The following SF3B1 variants were observed in gnomAD, a reference collection of about 807,000 sequenced individuals.
SF3B1 encodes the protein splicing factor 3b subunit 1.
SF3B1 carries 12 observed loss-of-function variants against 153.8 expected under a neutral mutation model. The observed-to-expected ratio is 0.08, with a 90% CI of 0.05 to 0.13. SF3B1 has a LOEUF of 0.13. SF3B1 is among the 10% of genes least tolerant of loss of function. SF3B1 has a pLI of 1.00. For synonymous variants in SF3B1, 498 were observed against 525.2 expected (o/e 0.95, Z 0.71); for missense variants, 513 against 1,606.1 (o/e 0.32, Z 11.63).
intron 9 of SF3B1, among the ~76,000 whole-genome samples, chr2:197,407,346 T>C (rs2085006748): frequency 6.6e-6 from 1 of 152,158 alleles, no homozygotes; most frequent in African/African-American, 2.4e-5. Flanking sequence ...AACTCACGCC[T>C]GTAATCCCAG....
chr2:197,431,174 G>T (rs916159868), intron 1 of SF3B1, among the ~76,000 whole-genome samples: 4 of 141,054 alleles, frequency 2.8e-5, no homozygotes, highest in Non-Finnish European at 4.5e-5. Context: ...GTGCAGTGGC[G>T]TGGCGTGATC....
intron 1 of SF3B1, among the ~76,000 whole-genome samples, chr2:197,432,910 G>A (rs1326979555): frequency 6.6e-6 from 1 of 152,092 alleles, no homozygotes; most frequent in African/African-American, 2.4e-5. Context: ...AAAGGAATAT[G>A]ACAGCAAAAT....
intron 5 of SF3B1, 116 bp downstream of exon 5, chr2:197,418,393 T>C: frequency 1.5e-6 from 1 of 670,388 alleles, no homozygotes; most frequent in South Asian, 2.8e-5. Flanking sequence ...TCAGTTAATT[T>C]TTATTAATAC....
At chr2:197,422,804 G>A (rs1383226985) in intron 2 of SF3B1, among the ~76,000 whole-genome samples, 1 of 151,392 alleles carries the variant, frequency 6.6e-6, no homozygotes, top group African/African-American at 2.4e-5. Context: ...GCAGGAGAAT[G>A]CTATGAACCC....
At chr2:197,410,112 C>G in intron 6 of SF3B1, 105 bp from the exon 7 acceptor site, 1 of 695,596 alleles carries the variant, frequency 1.4e-6, no homozygotes, top group East Asian at 2.7e-5. Flanking sequence ...GTTCTATGCA[C>G]TATAATTAAT....
At position 197,400,285 on chromosome 2, in the gene SF3B1, A is replaced by G; in HGVS notation, c.2868T>C (p.Ser956=). 1 of 1,614,130 alleles carries G rather than the reference A, an allele frequency of 6.2e-7. No individual in the cohort carries two copies. The highest frequency in any genetic ancestry group is 8.5e-7 in the Non-Finnish European group (1 of 1,179,972). ...AAGTCTTCATGACAACAGCAGTTCG[A>G]GAAATCAAGTCAGCTGCCTGTTGCC... The part of the protein sequence containing the change: ...KVRQQAADLI[S]RTAVVMKTCQ... The change falls in exon 19 of 25, where the codon TCT becomes TCC. Residue 956 remains serine (S), a synonymous_variant. Transcript: ENST00000335508. The surrounding 1 kb of genome is among the most constrained non-coding windows in gnomAD (Gnocchi z 5.0).
intron 12 of SF3B1, 95 bp downstream of exon 12, chr2:197,403,490 A>G: frequency 1.3e-6 from 1 of 765,942 alleles, no homozygotes; most frequent in Non-Finnish European, 2.0e-6. Context: ...TACTTGTGCA[A>G]AGGAAAAGGT....
At chr2:197,415,554 G>A (rs1378462008) in intron 6 of SF3B1, among the ~76,000 whole-genome samples, 1 of 151,906 alleles carries the variant, frequency 6.6e-6, no homozygotes, top group South Asian at 2.1e-4. Context: ...GCACCCAGCC[G>A]CTTTATTTTT....
At position 197,401,255 on chromosome 2, in the gene SF3B1, G is replaced by A. The variant is rs1247158525; in HGVS notation, c.2496+145C>T. On this transcript the variant is annotated intron_variant, in intron 17 of 24. Transcript: ENST00000335508. This position sits in a 1 kb window ranked among gnomAD's most constrained non-coding sequence, Gnocchi z 4.2. ...AAATCAAAATGGAAGTTAACTGGCT[G>A]ACTAAAATCCATCTCCTTTCATAAT... is the stretch of plus-strand genomic sequence containing the variant. 2 of 772,688 alleles carry A rather than the reference G, an allele frequency of 2.6e-6. No individual in the cohort carries two copies. The highest frequency in any genetic ancestry group is 4.2e-6 in the Non-Finnish European group (2 of 474,908). 47.9% of individuals were successfully genotyped at this position (772,688 alleles called of 1,614,324 possible).
At position 197,390,583 on chromosome 2, in the gene SF3B1, T is replaced by TTAA. The variant is rs1559261077; in HGVS notation, c.*1719_*1720insTTA. On this transcript the variant is annotated 3_prime_UTR_variant, in exon 25 of 25. Coordinates refer to ENST00000335508, the MANE Select transcript of SF3B1 (RefSeq NM_012433.4). Reference sequence around the variant, plus strand: ...ACAAATCCAACTTGGAAACCCTTAATGCTCACTATCAATTTGTTGAAAGTC... The same window carrying TTAA: ...ACAAATCCAACTTGGAAACCCTTAATTAAGCTCACTATCAATTTGTTGAAAGTC... 6.6e-6 allele frequency: 1 copy of TTAA among 151,752 alleles called. No individual in the cohort carries two copies. Among genetic ancestry groups the TTAA allele is most frequent in the Non-Finnish European group, 1.5e-5 (1 of 68,012 alleles). 9.4% of individuals were successfully genotyped at this position (151,752 alleles called of 1,614,324 possible). A position where few individuals can be genotyped will look rare whatever the true frequency, so the allele number is the denominator to read the frequency against.
At chr2:197,431,204 G>A (rs551880587) in intron 1 of SF3B1, among the ~76,000 whole-genome samples, 3 of 136,852 alleles carry the variant, frequency 2.2e-5, no homozygotes, top group African/African-American at 8.2e-5. Flanking sequence ...TGCAACCTTC[G>A]CCTCCTGGGT....
chr2:197,393,846 T>C (rs2084843125), intron 23 of SF3B1, among the ~76,000 whole-genome samples: 1 of 152,180 alleles, frequency 6.6e-6, no homozygotes, highest in African/African-American at 2.4e-5. Flanking sequence ...TTCTAACATA[T>C]GAATAATAAA....
rs1263988797 is a variant in SF3B1 at position 197,391,483 on chromosome 2, G to A, written c.*820C>T. On this transcript the variant is annotated 3_prime_UTR_variant, in exon 25 of 25. Transcript: ENST00000335508. ...GCTGAGTAGTGGCTTATAACATGGA[G>A]AAAAGCCCAACATTGTCCTGTTCTA... The A allele has an allele frequency of 1.3e-5, 2 of 152,200 alleles. No homozygotes were observed. Among genetic ancestry groups the A allele is most frequent in the Non-Finnish European group, 2.9e-5 (2 of 68,038 alleles). 9.4% of individuals were successfully genotyped at this position (152,200 alleles called of 1,614,324 possible).
At chr2:197,408,918 A>G (rs1476589325) in intron 7 of SF3B1, among the ~76,000 whole-genome samples, 1 of 152,128 alleles carries the variant, frequency 6.6e-6, no homozygotes, top group Non-Finnish European at 1.5e-5. Context: ...GCAAGACTCC[A>G]TCTCAACAAC....
intron 12 of SF3B1, among the ~76,000 whole-genome samples, 179 bp downstream of exon 12, chr2:197,403,406 C>A (rs1366658447): frequency 6.6e-6 from 1 of 152,102 alleles, no homozygotes; most frequent in Non-Finnish European, 1.5e-5. Flanking sequence ...ATAATATGAA[C>A]CTCTTACGGC....
rs1457247178 is a variant in SF3B1 at position 197,405,457 on chromosome 2, C to G, written c.1255G>C (p.Ala419Pro). The G allele has an allele frequency of 6.2e-7, 1 of 1,611,688 alleles. No individual in the cohort carries two copies. The highest frequency in any genetic ancestry group is 2.2e-5 in the East Asian group (1 of 44,842). Residue 419 changes from alanine to proline, a missense_variant, in exon 10 of 25, where the codon GCT (alanine) becomes CCT (proline). Ala to Pro is a conservative substitution (Grantham distance 27). Transcript: ENST00000335508. ...GGAGTTCGAATAGGAACATAACCAG[C>G]TGGAGGAGGAAGTACCTAATAAAAG... ...PEGYKVLPPP[A>P]GYVPIRTPAR...
chr2:197,395,925 C>A, intron 23 of SF3B1, 131 bp downstream of exon 23: 1 of 702,734 alleles, frequency 1.4e-6, no homozygotes, highest in Non-Finnish European at 2.4e-6. Flanking sequence ...TTACAATGTC[C>A]TAAGACTCCA....
At chr2:197,394,172 G>A (rs868179827) in intron 23 of SF3B1, among the ~76,000 whole-genome samples, 1 of 151,764 alleles carries the variant, frequency 6.6e-6, no homozygotes. Flanking sequence ...CAACAAGAGT[G>A]AAACTCTGTC....
intron 20 of SF3B1, 68 bp from the exon 21 acceptor site, chr2:197,398,649 AGCAAT>A: frequency 7.0e-7 from 1 of 1,428,412 alleles, no homozygotes; most frequent in Non-Finnish European, 9.8e-7. Flanking sequence ...CCTTTTACTT[AGCAAT>A]GTCATATATG....
Sources: allele counts gnomAD v4.1 joint callset (sites outside exome capture counted in the v4.1 genomes callset), GRCh38; gene constraint gnomAD v4.1.1; non-coding constraint Gnocchi (gnomAD v3.1); transcripts MANE v1.5; gene names NCBI Gene and HGNC (gene_info 2026-07-23, HGNC 2026-07-21).